Variants in HK1 observed in about 807,000 individuals in gnomAD.
The protein encoded by HK1 is hexokinase-1.
Under a neutral mutation model 91.6 loss-of-function variants are expected in HK1, and 28 were observed. The observed-to-expected ratio is 0.31, with a 90% CI of 0.23 to 0.42. The LOEUF is 0.42. Ranked by LOEUF, HK1 falls within the 10% of genes least tolerant of loss-of-function variation. HK1 has a pLI of 1.00. For missense variants in HK1, 770 were observed against 1,219.8 expected (o/e 0.63, Z 5.49); for synonymous variants, 430 against 468.1 (o/e 0.92, Z 1.05).
chr10:69,347,505 G>A (rs540513920), intron 2 of HK1, among the ~76,000 whole-genome samples: 7 of 150,786 alleles, frequency 4.6e-5, no homozygotes, highest in Non-Finnish European at 1.0e-4. Flanking sequence ...GCATGATCTC[G>A]GCTCACTGCA....
rs375407177 is a variant in HK1, at chr10:69,357,914, T to G, written c.227-1983T>G. On this transcript the variant is annotated intron_variant, in intron 2 of 17. Transcript: ENST00000359426. ...TGAAATAATGAAAATGTTATAAAAT[T>G]GGCTGTGCTGATGGTTGCATAACTC... Among the ~76,000 whole-genome samples the G allele has an allele frequency of 3.4e-4, 52 of 152,306 alleles. 1 individual carries two copies. Among genetic ancestry groups the G allele is most frequent in the African/African-American group, 1.2e-3 (50 of 41,554 alleles).
chr10:69,327,850 T>G (rs949678172), intron 1 of HK1, among the ~76,000 whole-genome samples: 16 of 152,230 alleles, frequency 1.1e-4, no homozygotes, highest in African/African-American at 3.4e-4. Flanking sequence ...CTGAGTTACC[T>G]TATCAGAGTC....
At chr10:69,329,736 G>A (rs1847599583) in intron 1 of HK1, among the ~76,000 whole-genome samples, 2 of 152,086 alleles carry the variant, frequency 1.3e-5, no homozygotes, top group African/African-American at 4.8e-5. Context: ...TGCAAGGAGG[G>A]AAAGACTGGG....
intron 4 of HK1, chr10:69,300,566 A>G: frequency 2.9e-6 from 2 of 698,350 alleles, no homozygotes; most frequent in East Asian, 5.1e-5. Flanking sequence ...ATTTCTCTAG[A>G]TCTTTGAGTT....
chr10:69,360,533 A>T (rs1849367141), intron 3 of HK1, among the ~76,000 whole-genome samples: 1 of 152,160 alleles, frequency 6.6e-6, no homozygotes, highest in African/African-American at 2.4e-5. Flanking sequence ...GCTTCTTGTT[A>T]CCTGATTTAG....
chr10:69,312,797 G>A (rs1176938673), upstream of HK1, among the ~76,000 whole-genome samples: 6 of 152,324 alleles, frequency 3.9e-5, no homozygotes, highest in Admixed American at 3.9e-4. Context: ...TGTTCCCCCA[G>A]GGGCATCCTT....
In HK1 at chr10:69,368,580, G is replaced by A. The variant is rs750868743; in HGVS notation, c.540G>A (p.Val180=). ...TWTKRFKASG[V]EGADVVKLLN... is the part of the protein sequence containing the mutation. ...CAAAGCGATTTAAAGCGAGCGGAGT[G>A]GAAGGAGCAGATGTGGTCAAACTGC... Residue 180 remains valine, a synonymous_variant, in exon 5 of 18, where the codon GTG becomes GTA. Transcript: ENST00000359426. The A allele has an allele frequency of 5.0e-6, 8 of 1,614,238 alleles. No homozygotes were observed. The highest frequency in any genetic ancestry group is 5.9e-6 in the Non-Finnish European group (7 of 1,180,032).
intron 1 of HK1, among the ~76,000 whole-genome samples, chr10:69,271,511 C>G (rs1219728862): frequency 7.0e-6 from 1 of 143,336 alleles, no homozygotes; most frequent in Non-Finnish European, 1.5e-5. Context: ...GAGTCTCGCT[C>G]TGTTGCCCAG....
chr10:69,318,736 G>A (rs1289933924), upstream of HK1: 16 of 908,074 alleles, frequency 1.8e-5, no homozygotes, highest in South Asian at 4.4e-5. Context: ...GCGTGGAGGA[G>A]GTGGGTCGGC....
intron 7 of HK1, among the ~76,000 whole-genome samples, 165 bp from the exon 8 acceptor site, chr10:69,376,769 C>T (rs1485644424): frequency 6.6e-6 from 1 of 152,180 alleles, no homozygotes; most frequent in East Asian, 1.9e-4. Flanking sequence ...TCCGATCCCT[C>T]TCCCTCTGCT....
rs778303517 is a variant in HK1 at position 69,343,844 on chromosome 10, T to C, written c.81T>C (p.Tyr27=). 12 of 1,613,576 alleles carry C rather than the reference T, an allele frequency of 7.4e-6. No individual in the cohort carries two copies. In the East Asian group the frequency reaches 2.2e-4, roughly 30 times the overall value. ...CCCTCCAGATTGACAAGTATCTCTA[T>C]GCCATGCGGCTCTCCGATGAAACTC... ...DQVKKIDKYL[Y]AMRLSDETLI... The change falls in exon 2 of 18, where the codon TAT becomes TAC. Residue 27 remains tyrosine, a synonymous_variant. Coordinates refer to ENST00000359426, the MANE Select transcript of HK1 (RefSeq NM_000188.3).
At chr10:69,284,827 T>G (rs1174242145) in intron 2 of HK1, among the ~76,000 whole-genome samples, 1 of 151,548 alleles carries the variant, frequency 6.6e-6, no homozygotes, top group African/African-American at 2.4e-5. Flanking sequence ...TTCTTTTTTC[T>G]TTTTTTTAAG....
intron 1 of HK1, among the ~76,000 whole-genome samples, chr10:69,340,363 T>G (rs1848228006): frequency 6.6e-6 from 1 of 152,196 alleles, no homozygotes; most frequent in East Asian, 1.9e-4. Flanking sequence ...GATTCTCATA[T>G]CTCAGTCTCC....
intron 4 of HK1, among the ~76,000 whole-genome samples, chr10:69,365,871 G>A (rs945544222): frequency 2.6e-5 from 4 of 152,016 alleles, no homozygotes; most frequent in African/African-American, 9.7e-5. Context: ...TCCCTCTGTC[G>A]CCCAGGCTGG....
rs552680548 is a variant in HK1 at position 69,326,678 on chromosome 10, T to C, written c.63+7668T>C. 3.0e-4 allele frequency among the ~76,000 whole-genome samples: 45 copies of C among 152,304 alleles called. No homozygotes were observed. In the South Asian group the frequency reaches 8.5e-3, roughly 29 times the overall value. Reference sequence around the variant, plus strand: ...AATATTTGAGGCACATAAAAGAAGATTGAGGTTCACATAAACACCTCTGAG... The same window carrying C: ...AATATTTGAGGCACATAAAAGAAGACTGAGGTTCACATAAACACCTCTGAG... On this transcript the variant is annotated intron_variant, in intron 1 of 17. Coordinates refer to ENST00000359426, the MANE Select transcript of HK1 (RefSeq NM_000188.3).
intron 14 of HK1, among the ~76,000 whole-genome samples, chr10:69,390,465 T>C (rs1026778350): frequency 6.6e-6 from 1 of 152,260 alleles, no homozygotes; most frequent in Non-Finnish European, 1.5e-5. Flanking sequence ...ATGGTTTCCA[T>C]GTTTTGGCTT....
intron 7 of HK1, among the ~76,000 whole-genome samples, chr10:69,373,770 TTA>T (rs1246188233): frequency 1.3e-5 from 2 of 151,706 alleles, no homozygotes; most frequent in Non-Finnish European, 2.9e-5. Context: ...TAAAATTTTT[TTA>T]TAGAGACTGG....
At chr10:69,372,011 A>C (rs1349792982) in intron 7 of HK1, among the ~76,000 whole-genome samples, 1 of 152,256 alleles carries the variant, frequency 6.6e-6, no homozygotes, top group African/African-American at 2.4e-5. Flanking sequence ...AAGAGGTTTA[A>C]TAAACTTACA....
chr10:69,321,566 T>G (rs1847031539), intron 1 of HK1, among the ~76,000 whole-genome samples: 1 of 152,178 alleles, frequency 6.6e-6, no homozygotes, highest in African/African-American at 2.4e-5. Context: ...GAGACAGACC[T>G]GGCATCCCTC....
Sources: gnomAD v4.1 joint callset for allele counts (sites outside exome capture counted in the v4.1 genomes callset) on GRCh38, gnomAD v4.1.1 for gene constraint, MANE v1.5 for transcripts, NCBI Gene and HGNC (gene_info 2026-07-23, HGNC 2026-07-21) for gene names.